Variants in UBE3A observed in about 807,000 individuals in gnomAD.
The protein encoded by UBE3A is ubiquitin-protein ligase E3A.
In UBE3A, 6 loss-of-function variants were observed where a neutral mutation model predicts 83.4. That is an observed-to-expected ratio of 0.07 (90% CI 0.04 to 0.14). UBE3A has a LOEUF of 0.14. Ranked by LOEUF, UBE3A falls within the 10% of genes least tolerant of loss-of-function variation. The probability of loss-of-function intolerance (pLI) is 1.00; values close to 1 mark genes in which losing one functional copy is unlikely to be tolerated. For synonymous variants in UBE3A, 337 were observed against 355.4 expected (o/e 0.95, Z 0.58); for missense variants, 456 against 1,036.1 (o/e 0.44, Z 7.69).
intron 1 of UBE3A, among the ~76,000 whole-genome samples, chr15:25,426,987 T>C (rs542269966): frequency 6.6e-6 from 1 of 152,272 alleles, no homozygotes; most frequent in Non-Finnish European, 1.5e-5. Context: ...GGTCTCACTT[T>C]GTTGCCCAGG....
chr15:25,385,411 A>G (rs1203514273), intron 4 of UBE3A, among the ~76,000 whole-genome samples: 1 of 152,148 alleles, frequency 6.6e-6, no homozygotes, highest in African/African-American at 2.4e-5. Context: ...ATCTGAAACC[A>G]TTAGGATGGC....
chr15:25,339,400 T>A, intron 12 of UBE3A, 143 bp from the exon 13 acceptor site: 1 of 1,064,232 alleles, frequency 9.4e-7, no homozygotes, highest in South Asian at 1.8e-5. Context: ...CATAAACTTT[T>A]TGTTGTGTAA....
intron 11 of UBE3A, among the ~76,000 whole-genome samples, chr15:25,348,920 A>G (rs974861863): frequency 6.6e-6 from 1 of 152,190 alleles, no homozygotes; most frequent in Non-Finnish European, 1.5e-5. Context: ...CCAAATCAAA[A>G]TCTCTGCAGG....
chr15:25,411,597 A>ACAG (rs145204762), intron 2 of UBE3A, among the ~76,000 whole-genome samples: 1,628 of 152,188 alleles, frequency 0.011, 27 homozygotes, highest in African/African-American at 0.035. Context: ...CTCAAAAACA[A>ACAG]CAGCAGCAGC....
chr15:25,335,488 G>C lies in UBE3A; in HGVS notation c.*3649C>G, dbSNP rs2073919714. 1.3e-5 allele frequency: 2 copies of C among 152,214 alleles called. No homozygotes were observed. Among genetic ancestry groups the C allele is most frequent in the Admixed American group, 1.3e-4 (2 of 15,256 alleles). The allele number at this position is 152,214 out of a possible 1,614,324, so 9.4% of individuals were successfully genotyped here. A position where few individuals can be genotyped will look rare whatever the true frequency, so the allele number is the denominator to read the frequency against. On this transcript the variant is annotated 3_prime_UTR_variant, in exon 13 of 13. Coordinates refer to ENST00000648336, the MANE Select transcript of UBE3A (RefSeq NM_130839.5). ...GTGAAATTAGGCAGCTGCTAAGAATGTCCGGGTGAGTCAGAGGATCAGGAC... is the reference window on the plus strand; with the variant it reads ...GTGAAATTAGGCAGCTGCTAAGAATCTCCGGGTGAGTCAGAGGATCAGGAC...
At chr15:25,382,054 C>T (rs2082263025) in intron 4 of UBE3A, among the ~76,000 whole-genome samples, 1 of 152,212 alleles carries the variant, frequency 6.6e-6, no homozygotes, top group African/African-American at 2.4e-5. Flanking sequence ...TGGCTCACGC[C>T]ACGCCTCTAA....
intron 5 of UBE3A, among the ~76,000 whole-genome samples, chr15:25,373,033 C>CA (rs1254762006): frequency 1.3e-5 from 2 of 152,178 alleles, no homozygotes; most frequent in African/African-American, 4.8e-5. Flanking sequence ...AGAGTACCAA[C>CA]ACTTACAGTT....
At chr15:25,395,365 C>G (rs751499284) in intron 4 of UBE3A, among the ~76,000 whole-genome samples, 1 of 152,138 alleles carries the variant, frequency 6.6e-6, no homozygotes, top group Non-Finnish European at 1.5e-5. Flanking sequence ...AAGCACAAGA[C>G]TCCTGGGAAA....
intron 11 of UBE3A, chr15:25,346,649 A>G (rs1247240338): frequency 2.6e-5 from 4 of 152,202 alleles, no homozygotes; most frequent in Admixed American, 2.6e-4. Context: ...TTCAAAAACG[A>G]AACAATAGAA....
intron 11 of UBE3A, among the ~76,000 whole-genome samples, chr15:25,341,758 T>G (rs2074855320): frequency 1.3e-5 from 1 of 74,362 alleles, no homozygotes; most frequent in Non-Finnish European, 2.4e-5. Context: ...TTGAGCCATC[T>G]CAAAAAAAAA....
intron 1 of UBE3A, among the ~76,000 whole-genome samples, chr15:25,416,854 G>A (rs984641230): frequency 6.6e-6 from 1 of 152,106 alleles, no homozygotes; most frequent in Non-Finnish European, 1.5e-5. Context: ...TCCACTGCTT[G>A]GATGTCTGCC....
chr15:25,375,718 C>T lies in UBE3A; in HGVS notation c.108G>A (p.Gln36=), dbSNP rs926999742. 6.2e-7 allele frequency: 1 copy of T among 1,613,972 alleles called. No individual in the cohort carries two copies. Among genetic ancestry groups the T allele is most frequent in the African/African-American group, 1.3e-5 (1 of 75,034 alleles). Residue 36 remains glutamine (Q), a synonymous_variant, in exon 5 of 13, where the codon CAG becomes CAA. Transcript: ENST00000648336. ...CTTCATTTCCACAGCCCTCAGTTAA[C>T]TGGTGGTAGTAGCGTTCTATTAGAT... is the stretch of plus-strand genomic sequence containing the variant. ...AKHLIERYYH[Q]LTEGCGNEAC...
intron 1 of UBE3A, among the ~76,000 whole-genome samples, chr15:25,419,782 T>G (rs1312057976): frequency 6.6e-6 from 1 of 152,128 alleles, no homozygotes; most frequent in Admixed American, 6.5e-5. Flanking sequence ...GGATGTATAC[T>G]ATTCCAAAAT....
At chr15:25,343,466 G>T (rs1360994228) in intron 11 of UBE3A, among the ~76,000 whole-genome samples, 2 of 152,024 alleles carry the variant, frequency 1.3e-5, no homozygotes, top group East Asian at 1.9e-4. Flanking sequence ...AATATGCAAG[G>T]TAACTTTGGA....
chr15:25,375,364 G>C, intron 5 of UBE3A, 101 bp downstream of exon 5: 1 of 1,400,150 alleles, frequency 7.1e-7, no homozygotes, highest in Admixed American at 2.3e-5. Flanking sequence ...ATATCAAAAT[G>C]TCTTTATGTC....
intron 1 of UBE3A, among the ~76,000 whole-genome samples, chr15:25,431,553 G>C (rs1339583397): frequency 2.0e-5 from 3 of 152,104 alleles, no homozygotes; most frequent in African/African-American, 7.2e-5. Flanking sequence ...ATGTTGGCCA[G>C]GCTGGTCTCG....
Position 25,389,475 on chromosome 15 carries a change from T to C in UBE3A, c.63-13712A>G, listed in dbSNP as rs370091899. 2.6e-5 allele frequency among the ~76,000 whole-genome samples: 4 copies of C among 152,180 alleles called. No homozygotes were observed. The East Asian group carries it at 7.7e-4, about 29-fold the overall frequency. On this transcript the variant is annotated intron_variant, in intron 4 of 12. Transcript: ENST00000648336. Reference sequence around the variant, plus strand: ...ACTGATAAGCCAGACTTCATTAAAATTGTCTACTTGTTTCTTAAAAATTGT... The same window carrying C: ...ACTGATAAGCCAGACTTCATTAAAACTGTCTACTTGTTTCTTAAAAATTGT...
chr15:25,400,991 A>T lies in UBE3A; in HGVS notation c.62+4470T>A, dbSNP rs752576425. Among the ~76,000 whole-genome samples, 98 of 152,186 alleles carry T rather than the reference A, an allele frequency of 6.4e-4. 1 individual carries two copies. The highest frequency in any genetic ancestry group is 1.2e-3 in the Non-Finnish European group (82 of 68,018). On this transcript the variant is annotated intron_variant, in intron 4 of 12. Transcript: ENST00000648336. ...ACATTCCTTCTATACTTAATTTTTT[A>T]AAATTTTGTAGCACAAGAGAATACT...
At chr15:25,411,018 T>C (rs576600148) in intron 2 of UBE3A, among the ~76,000 whole-genome samples, 169 of 152,292 alleles carry the variant, frequency 1.1e-3, no homozygotes, top group African/African-American at 3.6e-3. Context: ...TTGACCTCAA[T>C]GTAATTAAAG....
Sources: gnomAD v4.1 joint callset for allele counts (sites outside exome capture counted in the v4.1 genomes callset) on GRCh38, gnomAD v4.1.1 for gene constraint, MANE v1.5 for transcripts, NCBI Gene and HGNC (gene_info 2026-07-23, HGNC 2026-07-21) for gene names.